Variants in CACNA1B observed in about 807,000 individuals in gnomAD.
CACNA1B encodes the protein calcium voltage-gated channel subunit alpha1 B, also known as voltage-dependent N-type calcium channel subunit alpha-1B.
A neutral mutation model predicts 247.2 loss-of-function variants in CACNA1B; 70 were observed. That is an observed-to-expected ratio of 0.28 (90% CI 0.23 to 0.35). The LOEUF (loss-of-function observed/expected upper bound fraction) is 0.35, where lower values mean the gene tolerates loss of function less well. Ranked by LOEUF, CACNA1B falls within the 10% of genes least tolerant of loss-of-function variation. CACNA1B has a pLI of 1.00. For synonymous variants in CACNA1B, 1,231 were observed against 1,294.4 expected (o/e 0.95, Z 1.05); for missense variants, 2,367 against 3,197.4 (o/e 0.74, Z 6.26).
intron 6 of CACNA1B, among the ~76,000 whole-genome samples, chr9:137,926,107 C>T (rs1217071308): frequency 6.8e-5 from 9 of 133,104 alleles, no homozygotes; most frequent in African/African-American, 2.2e-4. Flanking sequence ...CTCACTCTGT[C>T]GCCCAGGCTG....
chr9:138,070,235 C>G (rs1045931243), intron 32 of CACNA1B, among the ~76,000 whole-genome samples: 5 of 152,212 alleles, frequency 3.3e-5, no homozygotes, highest in Non-Finnish European at 7.3e-5. Context: ...GCAGACTCCC[C>G]TGTAGCTTCC....
intron 3 of CACNA1B, among the ~76,000 whole-genome samples, chr9:137,901,205 GTC>G (rs1302569119): frequency 2.7e-5 from 4 of 149,276 alleles, no homozygotes; most frequent in African/African-American, 9.9e-5. Flanking sequence ...TGTACTGTGT[GTC>G]TCTGTGTCTG....
At chr9:138,075,733 G>A in intron 34 of CACNA1B, 86 bp from the exon 35 acceptor site, 1 of 836,402 alleles carries the variant, frequency 1.2e-6, no homozygotes, top group Non-Finnish European at 2.0e-6. Context: ...TCCTTGTACG[G>A]CTCGCACGCC....
chr9:138,032,211 C>A (rs1238631648), intron 20 of CACNA1B, among the ~76,000 whole-genome samples: 1 of 151,926 alleles, frequency 6.6e-6, no homozygotes, highest in African/African-American at 2.4e-5. Flanking sequence ...CTGTGTATTA[C>A]ATTATATATA....
intron 3 of CACNA1B, among the ~76,000 whole-genome samples, chr9:137,908,171 G>T (rs540773623): frequency 2.0e-5 from 3 of 152,312 alleles, no homozygotes; most frequent in Admixed American, 6.5e-5. Flanking sequence ...TGGATGTAAA[G>T]ATGAGCTTGT....
chr9:138,023,612 C>T lies in CACNA1B; in HGVS notation c.2869C>T (p.Arg957Trp), dbSNP rs1958879472. The part of the protein sequence containing the change: ...CAGAKGERRA[R>W]HRGGPRAGPR... The stretch of plus-strand genomic sequence containing the variant: ...CGGCGCCAAGGGCGAGCGGCGCGCG[C>T]GGCACCGCGGCGGCCCCCGAGCGGG... Residue 957 changes from arginine (R) to tryptophan (W), a missense_variant, in exon 19 of 47, where the codon CGG becomes TGG. Arg to Trp is a moderately radical substitution (Grantham distance 101). Transcript: ENST00000371372. 8.7e-7 allele frequency: 1 copy of T among 1,145,278 alleles called. No homozygotes were observed. The highest frequency in any genetic ancestry group is 1.1e-6 in the Non-Finnish European group (1 of 930,814). 70.9% of individuals were successfully genotyped at this position (1,145,278 alleles called of 1,614,324 possible).
At chr9:138,084,954 A>AG (rs1960646312) in intron 36 of CACNA1B, among the ~76,000 whole-genome samples, 1 of 149,068 alleles carries the variant, frequency 6.7e-6, no homozygotes, top group African/African-American at 2.5e-5. Flanking sequence ...TCCATCTCAA[A>AG]GAAAAAAAAA....
chr9:138,023,327 G>T lies in CACNA1B; in HGVS notation c.2584G>T (p.Ala862Ser), dbSNP rs7873074. The T allele has an allele frequency of 0.2, 306,284 of 1,504,374 alleles. 44,334 individuals are homozygous for T. Among genetic ancestry groups the T allele is most frequent in the African/African-American group, 0.66 (45,532 of 68,786 alleles). 93.2% of individuals were successfully genotyped at this position (1,504,374 alleles called of 1,614,324 possible). A position where few individuals can be genotyped will look rare whatever the true frequency, so the allele number is the denominator to read the frequency against. The change falls in exon 19 of 47, where the codon GCG becomes TCG. Residue 862 changes from alanine to serine, a missense_variant. Coordinates refer to ENST00000371372, the MANE Select transcript of CACNA1B (RefSeq NM_000718.4). ...GCACCGCGACAAGGACAAGACCCCC[G>T]CGGCGGGGGACCAGGACCGAGCAGA... ...HRHRDKDKTPAAGDQDRAEAP... is the reference protein window; with the variant it reads ...HRHRDKDKTPSAGDQDRAEAP...
At chr9:138,003,588 G>A (rs1316582161) in intron 15 of CACNA1B, among the ~76,000 whole-genome samples, 1 of 151,900 alleles carries the variant, frequency 6.6e-6, no homozygotes, top group Non-Finnish European at 1.5e-5. Flanking sequence ...AAGCAAACAG[G>A]AGACTAAAGA....
intron 16 of CACNA1B, 78 bp from the exon 17 acceptor site, chr9:138,009,932 C>T (rs1958703174): frequency 8.6e-7 from 1 of 1,156,974 alleles, no homozygotes; most frequent in African/African-American, 1.5e-5. Flanking sequence ...TGGTTGGGAT[C>T]TGGGGAGATG....
At chr9:138,004,294 C>A (rs148412831) in intron 15 of CACNA1B, among the ~76,000 whole-genome samples, 38 of 152,212 alleles carry the variant, frequency 2.5e-4, no homozygotes, top group Non-Finnish European at 4.3e-4. Context: ...CCCTGGTAAT[C>A]TCAGCACTGC....
chr9:137,999,419 C>T (rs1295940751), intron 15 of CACNA1B, among the ~76,000 whole-genome samples: 1 of 150,960 alleles, frequency 6.6e-6, no homozygotes, highest in Non-Finnish European at 1.5e-5. Context: ...TAGAACTGAA[C>T]AGTATCAACA....
At chr9:138,055,520 G>A (rs914432000) in intron 26 of CACNA1B, among the ~76,000 whole-genome samples, 7 of 151,994 alleles carry the variant, frequency 4.6e-5, no homozygotes, top group African/African-American at 1.7e-4. Context: ...TCTATCCCAA[G>A]GCCAGGGATG....
intron 38 of CACNA1B, among the ~76,000 whole-genome samples, chr9:138,103,092 A>G (rs1961308470): frequency 6.6e-6 from 1 of 150,600 alleles, no homozygotes; most frequent in Admixed American, 6.6e-5. Flanking sequence ...ACAGAACTAG[A>G]CCCTCCTCCC....
Position 138,120,776 on chromosome 9 carries a change from C to A in CACNA1B, c.6384C>A (p.Tyr2128Ter). The change falls in exon 46 of 47, where the codon TAC becomes TAA. Residue 2128 changes from tyrosine (Y) to a stop codon, truncating the protein, a stop_gained. Transcript: ENST00000371372. LOFTEE classifies it high-confidence loss of function. ...SSSSSEKQRF[Y>*]SCDRFGGREP... Reference sequence around the variant, plus strand: ...CCTCCTCGGAGAAGCAGCGCTTCTACTCCTGCGACCGCTTTGGGGGCCGTG... The same window carrying A: ...CCTCCTCGGAGAAGCAGCGCTTCTAATCCTGCGACCGCTTTGGGGGCCGTG... 6.4e-7 allele frequency: 1 copy of A among 1,552,984 alleles called. No homozygotes were observed. The highest frequency in any genetic ancestry group is 8.7e-7 in the Non-Finnish European group (1 of 1,148,696).
At chr9:138,068,547 A>G (rs755210940) in intron 31 of CACNA1B, 3 of 516,682 alleles carry the variant, frequency 5.8e-6, no homozygotes, top group Non-Finnish European at 1.2e-5. Context: ...ATTTAGTCCC[A>G]GTGCGCTTTC....
chr9:137,916,700 G>A lies in CACNA1B; in HGVS notation c.776-541G>A, dbSNP rs142339053. ...TCAGGAGGATATTGCTGGCAGTTTG[G>A]CTGTGAGGGAGAGGTACAGTCAGCG... On this transcript the variant is annotated intron_variant, in intron 5 of 46. Coordinates refer to ENST00000371372, the MANE Select transcript of CACNA1B (RefSeq NM_000718.4). 1.8e-3 allele frequency among the ~76,000 whole-genome samples: 268 copies of A among 152,060 alleles called. 2 individuals carry two copies. The highest frequency in any genetic ancestry group is 6.2e-3 in the African/African-American group (257 of 41,568).
chr9:138,025,771 C>T (rs1958913513), intron 20 of CACNA1B, among the ~76,000 whole-genome samples: 1 of 152,186 alleles, frequency 6.6e-6, no homozygotes, highest in South Asian at 2.1e-4. Flanking sequence ...ACCAAGATGT[C>T]ATTCCTGTCT....
chr9:137,940,591 C>A (rs956102097), intron 6 of CACNA1B, among the ~76,000 whole-genome samples: 1 of 152,128 alleles, frequency 6.6e-6, no homozygotes, highest in Admixed American at 6.5e-5. Context: ...ACCCTAATAT[C>A]AAACCTGGAA....
Sources: allele counts gnomAD v4.1 joint callset (sites outside exome capture counted in the v4.1 genomes callset), GRCh38; gene constraint gnomAD v4.1.1; transcripts MANE v1.5; gene names NCBI Gene and HGNC (gene_info 2026-07-23, HGNC 2026-07-21).